PLXNC1: variants seen among roughly 807,000 people sequenced by gnomAD.
The protein encoded by PLXNC1 is plexin C1.
In PLXNC1, 75 loss-of-function variants were observed where a neutral mutation model predicts 178.2. The observed-to-expected ratio is 0.42, with a 90% confidence interval of 0.35 to 0.51. The LOEUF (loss-of-function observed/expected upper bound fraction) is 0.51, where lower values mean the gene tolerates loss of function less well. PLXNC1 is among the 20% of genes least tolerant of loss of function. PLXNC1 has a pLI of 0.02. For synonymous variants in PLXNC1, 790 were observed against 779.9 expected, an observed-to-expected ratio of 1.01 and a Z score of -0.22; for missense variants, 1,503 against 1,984.4, an observed-to-expected ratio of 0.76 and a Z score of 4.61.
At chr12:94,187,104 G>A (rs1962540860) in intron 4 of PLXNC1, among the ~76,000 whole-genome samples, 1 of 151,990 alleles carries the variant, frequency 6.6e-6, no homozygotes, top group African/African-American at 2.4e-5. Flanking sequence ...CGTCGCCATG[G>A]CAACCCAGTA....
intron 1 of PLXNC1, among the ~76,000 whole-genome samples, chr12:94,159,829 T>C (rs1961312721): frequency 6.6e-6 from 1 of 152,074 alleles, no homozygotes; most frequent in African/African-American, 2.4e-5. Flanking sequence ...AGAAATAATG[T>C]CACCTTGGCC....
chr12:94,246,442 A>G (rs1436174944), intron 12 of PLXNC1, among the ~76,000 whole-genome samples: 2 of 152,280 alleles, frequency 1.3e-5, no homozygotes, highest in East Asian at 3.9e-4. Flanking sequence ...ACATCATGGG[A>G]GTGAGAGCAC....
At position 94,297,403 on chromosome 12, in the gene PLXNC1, A is replaced by G; in HGVS notation, c.4054A>G (p.Thr1352Ala). ...GTTCAAAGTAAAAGAAATGTATCTGACAAAGCTGCTGTCGACCAAGGTACA... is the reference window on the plus strand; with the variant it reads ...GTTCAAAGTAAAAGAAATGTATCTGGCAAAGCTGCTGTCGACCAAGGTACA... ...HKFKVKEMYL[T>A]KLLSTKVAIH... The change falls in exon 26 of 31, where the codon ACA (threonine) becomes GCA (alanine). Residue 1352 changes from threonine (T) to alanine (A), a missense_variant. Transcript: ENST00000258526. The G allele has an allele frequency of 6.2e-7, 1 of 1,613,154 alleles. No homozygotes were observed. Among genetic ancestry groups the G allele is most frequent in the Non-Finnish European group, 8.5e-7 (1 of 1,179,304 alleles).
Position 94,208,868 on chromosome 12 carries a change from C to T in PLXNC1, c.1440-722C>T, listed in dbSNP as rs529820296. Among the ~76,000 whole-genome samples, 19 of 152,362 alleles carry T rather than the reference C, an allele frequency of 1.2e-4. No individual in the cohort carries two copies. In the South Asian group the frequency reaches 3.1e-3, roughly 25 times the overall value. ...GCAAGCCAGTGATCTCACCACTCAG[C>T]TTCTGAGCATCTCTTTATCAAAGTA... On this transcript the variant is annotated intron_variant, in intron 4 of 30. Transcript: ENST00000258526.
At chr12:94,251,750 G>T (rs1964695772) in intron 15 of PLXNC1, among the ~76,000 whole-genome samples, 1 of 152,204 alleles carries the variant, frequency 6.6e-6, no homozygotes, top group Non-Finnish European at 1.5e-5. Context: ...CAGCACTTTG[G>T]GACACTGAGG....
In PLXNC1 at chr12:94,298,647, G is replaced by A; in HGVS notation, c.4090G>A (p.Val1364Met). Residue 1364 changes from valine (V) to methionine (M), a missense_variant, in exon 27 of 31, where the codon GTG becomes ATG. Val to Met is a conservative substitution (Grantham distance 21). Coordinates refer to ENST00000258526, the MANE Select transcript of PLXNC1 (RefSeq NM_005761.3). The stretch of plus-strand genomic sequence containing the variant: ...TATCTTTCAGGTGGCAATTCATTCT[G>A]TGCTTGAAAAACTTTTTAGAAGCAT... ...LLSTKVAIHS[V>M]LEKLFRSIWS... is the part of the protein sequence containing the mutation. The A allele has an allele frequency of 3.1e-6, 5 of 1,598,452 alleles. No individual in the cohort carries two copies. Among genetic ancestry groups the A allele is most frequent in the Non-Finnish European group, 4.3e-6 (5 of 1,175,664 alleles).
chr12:94,177,499 AAAAC>A (rs1422157396), intron 2 of PLXNC1, among the ~76,000 whole-genome samples: 3 of 150,768 alleles, frequency 2.0e-5, no homozygotes, highest in Non-Finnish European at 2.9e-5. Flanking sequence ...GAAAGAAAGA[AAAAC>A]AAAGAAAGAA....
intron 21 of PLXNC1, among the ~76,000 whole-genome samples, chr12:94,278,683 T>C (rs1966175647): frequency 6.6e-6 from 1 of 152,190 alleles, no homozygotes; most frequent in South Asian, 2.1e-4. Context: ...GTTCCTGTAA[T>C]TAATGCTGCA....
chr12:94,159,774 C>T lies in PLXNC1; in HGVS notation c.1063-9379C>T, dbSNP rs1469135895. On this transcript the variant is annotated intron_variant, in intron 1 of 30. Coordinates refer to ENST00000258526, the MANE Select transcript of PLXNC1 (RefSeq NM_005761.3). ...GGAATGGATGAGAGATTGGCCACAG[C>T]GGAAGAAGGAAAACCTGCAGGAGGC... Among the ~76,000 whole-genome samples, 10 of 152,024 alleles carry T rather than the reference C, an allele frequency of 6.6e-5. No individual in the cohort carries two copies. In the East Asian group the frequency reaches 1.5e-3, roughly 24 times the overall value.
At chr12:94,231,573 G>T (rs541164259) in intron 9 of PLXNC1, among the ~76,000 whole-genome samples, 12 of 152,128 alleles carry the variant, frequency 7.9e-5, no homozygotes, top group Admixed American at 2.0e-4. Flanking sequence ...TAGGCCAGTA[G>T]CCCTCACACT....
chr12:94,157,586 T>C (rs1261886670), intron 1 of PLXNC1, among the ~76,000 whole-genome samples: 3 of 152,246 alleles, frequency 2.0e-5, no homozygotes, highest in Non-Finnish European at 4.4e-5. Flanking sequence ...AATAGAACTG[T>C]GACATTCATT....
At chr12:94,160,648 G>A (rs1281498776) in intron 1 of PLXNC1, among the ~76,000 whole-genome samples, 1 of 152,200 alleles carries the variant, frequency 6.6e-6, no homozygotes, top group Non-Finnish European at 1.5e-5. Context: ...GTGGCTGTAG[G>A]TGTAACCTAG....
rs528641417 is a variant in PLXNC1, at chr12:94,298,772, C to T, written c.4215C>T (p.Val1405=). 4.5e-5 allele frequency: 73 copies of T among 1,610,660 alleles called. No individual in the cohort carries two copies. The highest frequency in any genetic ancestry group is 8.5e-7 in the Non-Finnish European group (1 of 1,179,282). ...ACAAAAAAATCACAGATCCTGACGT[C>T]GTACATATTTGGAAAACAAACAGGT... The part of the protein sequence containing the change: ...AENKKITDPD[V]VHIWKTNSLP... The change falls in exon 27 of 31, where the codon GTC becomes GTT. Residue 1405 remains valine (V), a synonymous_variant. Coordinates refer to ENST00000258526, the MANE Select transcript of PLXNC1 (RefSeq NM_005761.3).
chr12:94,296,906 C>T (rs946098631), intron 24 of PLXNC1, among the ~76,000 whole-genome samples: 2 of 152,148 alleles, frequency 1.3e-5, no homozygotes, highest in African/African-American at 4.8e-5. Context: ...GTTCTAGGTA[C>T]ATTTGTTAAA....
intron 21 of PLXNC1, among the ~76,000 whole-genome samples, chr12:94,272,801 C>T (rs1232153278): frequency 1.3e-5 from 2 of 152,178 alleles, no homozygotes; most frequent in African/African-American, 2.4e-5. Flanking sequence ...TGGGTGGCAC[C>T]GGAGGCACAG....
intron 1 of PLXNC1, among the ~76,000 whole-genome samples, chr12:94,165,587 G>A (rs1961580657): frequency 6.7e-6 from 1 of 149,236 alleles, no homozygotes; most frequent in Non-Finnish European, 1.5e-5. Flanking sequence ...GCAGTTTAGT[G>A]TCCGCTCCAA....
intron 1 of PLXNC1, chr12:94,167,912 A>G (rs142136755): frequency 1.8e-4 from 28 of 152,340 alleles, no homozygotes; most frequent in African/African-American, 5.5e-4. Context: ...CTTGCAGCGC[A>G]ACCTCAACAA....
At chr12:94,157,272 C>T (rs1961209915) in intron 1 of PLXNC1, among the ~76,000 whole-genome samples, 3 of 152,164 alleles carry the variant, frequency 2.0e-5, no homozygotes, top group African/African-American at 7.2e-5. Context: ...GCGGAAGAGC[C>T]ACACCAAGAC....
chr12:94,192,354 G>T (rs1021127571), intron 4 of PLXNC1, among the ~76,000 whole-genome samples: 21 of 151,816 alleles, frequency 1.4e-4, no homozygotes, highest in African/African-American at 4.8e-4. Context: ...GCACAACAAT[G>T]TGCTAAGTCC....
Sources: allele counts gnomAD v4.1 joint callset (sites outside exome capture counted in the v4.1 genomes callset), GRCh38; gene constraint gnomAD v4.1.1; transcripts MANE v1.5; gene names NCBI Gene and HGNC (gene_info 2026-07-23, HGNC 2026-07-21).